The following MYPN variants were observed in gnomAD, a reference collection of about 807,000 sequenced individuals.
MYPN encodes sarcomeric protein myopalladin, 145 kDa (MYOP).
In MYPN, 63 loss-of-function variants were observed where a neutral mutation model predicts 129.4. The ratio of observed to expected loss-of-function variants is 0.49; its 90% CI spans 0.40 to 0.60. The LOEUF is 0.60. Among genes scored for constraint, MYPN ranks in the 20% least tolerant of loss-of-function variants. MYPN has a pLI of 0.00. For missense variants in MYPN, 1,596 were observed against 1,635.4 expected, an observed-to-expected ratio of 0.98 and a Z score of 0.42; for synonymous variants, 629 against 600.9, an observed-to-expected ratio of 1.05 and a Z score of -0.68.
rs199945340 is a variant in MYPN, at chr10:68,093,587, A to G, written c.-2+5595A>G. On this transcript the variant is annotated intron_variant, in intron 1 of 6. Transcript: ENST00000685154. The stretch of plus-strand genomic sequence containing the variant: ...CCCCATCTCTACTAAAAAAAAAAAA[A>G]AAAAAAAGAAATACAAAAAATGAAC... Among the ~76,000 whole-genome samples the G allele has an allele frequency of 3.7e-4, 56 of 151,256 alleles. No homozygotes were observed. In the East Asian group the frequency reaches 9.9e-3, roughly 27 times the overall value.
chr10:68,134,354 T>C (rs1475215319), intron 2 of MYPN, among the ~76,000 whole-genome samples: 1 of 152,138 alleles, frequency 6.6e-6, no homozygotes, highest in Non-Finnish European at 1.5e-5. Flanking sequence ...TAATAAGTAC[T>C]ATCAGACAAA....
chr10:68,095,645 C>T (rs1387814509), intron 1 of MYPN, among the ~76,000 whole-genome samples: 2 of 152,128 alleles, frequency 1.3e-5, no homozygotes, highest in Admixed American at 1.3e-4. Context: ...CCTAAGTTTT[C>T]TTTAAAGACA....
intron 1 of MYPN, among the ~76,000 whole-genome samples, chr10:68,088,746 AAATT>A (rs2041917907): frequency 6.6e-6 from 1 of 152,210 alleles, no homozygotes; most frequent in Non-Finnish European, 1.5e-5. Context: ...TTAAAAAAAT[AAATT>A]AATTGAGATA....
intron 6 of MYPN, among the ~76,000 whole-genome samples, chr10:68,150,416 C>A (rs1266415916): frequency 6.6e-6 from 1 of 152,122 alleles, no homozygotes; most frequent in Non-Finnish European, 1.5e-5. Flanking sequence ...CATATTACTC[C>A]AAAGGTTTCT....
At chr10:68,175,761 T>C (rs916900129) in intron 12 of MYPN, among the ~76,000 whole-genome samples, 2 of 152,128 alleles carry the variant, frequency 1.3e-5, no homozygotes, top group African/African-American at 4.8e-5. Flanking sequence ...CAGTTTACAA[T>C]CTAAACTTTT....
At chr10:68,139,543 A>G (rs1393902124) in intron 2 of MYPN, among the ~76,000 whole-genome samples, 1 of 152,168 alleles carries the variant, frequency 6.6e-6, no homozygotes, top group Non-Finnish European at 1.5e-5. Flanking sequence ...TGTGCTCCAT[A>G]TGTCTTGTTT....
chr10:68,209,128 C>G (rs2043864227), intron 19 of MYPN, among the ~76,000 whole-genome samples: 1 of 152,166 alleles, frequency 6.6e-6, no homozygotes, highest in African/African-American at 2.4e-5. Flanking sequence ...TTCCAGGACC[C>G]AGAGCACGAG....
chr10:68,144,766 G>A (rs1360656707), intron 3 of MYPN, among the ~76,000 whole-genome samples: 2 of 152,146 alleles, frequency 1.3e-5, no homozygotes, highest in East Asian at 1.9e-4. Flanking sequence ...GGAATCCAGT[G>A]TAATCCCTTC....
At chr10:68,105,815 A>G (rs1300644943), upstream of MYPN, among the ~76,000 whole-genome samples, 3 of 152,230 alleles carry the variant, frequency 2.0e-5, no homozygotes, top group Non-Finnish European at 4.4e-5. Context: ...CATCCTGTGT[A>G]TAGATATCTT....
At chr10:68,094,425 C>T (rs1397823069) in intron 1 of MYPN, among the ~76,000 whole-genome samples, 1 of 151,650 alleles carries the variant, frequency 6.6e-6, no homozygotes, top group Admixed American at 6.6e-5. Context: ...GCCACCACGC[C>T]CAATATTTGT....
At chr10:68,140,285 T>C (rs2042555936) in intron 2 of MYPN, among the ~76,000 whole-genome samples, 1 of 151,890 alleles carries the variant, frequency 6.6e-6, no homozygotes. Context: ...ATGGCCCAAA[T>C]AGAGGTAATA....
intron 10 of MYPN, among the ~76,000 whole-genome samples, chr10:68,172,786 G>A (rs1477594141): frequency 4.6e-5 from 7 of 152,140 alleles, no homozygotes; most frequent in Non-Finnish European, 1.0e-4. Flanking sequence ...TAATAATGAT[G>A]TCAGGGCCGG....
At chr10:68,193,332 G>A (rs940325188) in intron 13 of MYPN, among the ~76,000 whole-genome samples, 2 of 151,936 alleles carry the variant, frequency 1.3e-5, no homozygotes, top group African/African-American at 4.8e-5. Flanking sequence ...CAGACTTATG[G>A]GTAAGTTCAA....
At chr10:68,172,357 A>G (rs1445697801) in intron 10 of MYPN, among the ~76,000 whole-genome samples, 1 of 152,190 alleles carries the variant, frequency 6.6e-6, no homozygotes, top group Admixed American at 6.5e-5. Flanking sequence ...TCTGCCTAAA[A>G]TAATTAAATA....
chr10:68,158,353 C>T lies in MYPN; in HGVS notation c.1318-133C>T, dbSNP rs978005833. 3.6e-6 allele frequency: 3 copies of T among 827,932 alleles called. No individual in the cohort carries two copies. The South Asian group carries it at 4.8e-5, about 13-fold the overall frequency. The allele number at this position is 827,932 out of a possible 1,614,324, so 51.3% of individuals were successfully genotyped here. ...TGAATGCACATCCACAGAACTGAAG[C>T]TGCTAGAGATGTAGATGCTTTGGAG... On this transcript the variant is annotated intron_variant, in intron 6 of 19. Coordinates refer to ENST00000358913, the MANE Select transcript of MYPN (RefSeq NM_032578.4).
In MYPN at chr10:68,088,990, A is replaced by G. The variant is rs552340847; in HGVS notation, c.-2+998A>G. On this transcript the variant is annotated intron_variant, in intron 1 of 6. Transcript: ENST00000685154. ...TAGACTTGCCTATTCTCGATATTTCACATCAATGAAATCACACAATGCGTA... is the reference window on the plus strand; with the variant it reads ...TAGACTTGCCTATTCTCGATATTTCGCATCAATGAAATCACACAATGCGTA... Among the ~76,000 whole-genome samples the G allele has an allele frequency of 2.6e-5, 4 of 152,260 alleles. No individual in the cohort carries two copies. The East Asian group carries it at 5.8e-4, about 22-fold the overall frequency.
At chr10:68,148,490 C>T in intron 5 of MYPN, 23 bp downstream of exon 5, 2 of 1,574,890 alleles carry the variant, frequency 1.3e-6, no homozygotes, top group Non-Finnish European at 1.7e-6. Context: ...AAGCGAAACA[C>T]AAGTGCCATC....
At chr10:68,145,639 A>C in intron 4 of MYPN, 113 bp downstream of exon 4, 1 of 818,038 alleles carries the variant, frequency 1.2e-6, no homozygotes, top group Non-Finnish European at 2.0e-6. Flanking sequence ...GGGTTTGACC[A>C]CAAAAATAAA....
chr10:68,207,435 C>G (rs1448094704), intron 19 of MYPN, among the ~76,000 whole-genome samples: 1 of 152,106 alleles, frequency 6.6e-6, no homozygotes, highest in Non-Finnish European at 1.5e-5. Context: ...AGAACAGTGC[C>G]TCTAATACCA....
Sources: allele counts gnomAD v4.1 joint callset (sites outside exome capture counted in the v4.1 genomes callset), GRCh38; gene constraint gnomAD v4.1.1; transcripts MANE v1.5; gene names NCBI Gene and HGNC (gene_info 2026-07-23, HGNC 2026-07-21).